The following STX8 variants were observed in gnomAD, a reference collection of about 807,000 sequenced individuals.
The protein encoded by STX8 is syntaxin-8.
Under a neutral mutation model 37.5 loss-of-function variants are expected in STX8, and 23 were observed. The observed-to-expected ratio is 0.61, with a 90% confidence interval of 0.44 to 0.87. STX8 has a LOEUF of 0.87. Among genes scored for constraint, STX8 ranks in the 40% least tolerant of loss-of-function variants. The probability of loss-of-function intolerance (pLI) is 0.00; values close to 1 mark genes in which losing one functional copy is unlikely to be tolerated. For synonymous variants in STX8, 115 were observed against 99.1 expected (o/e 1.16, Z -0.95); for missense variants, 313 against 284.7 (o/e 1.10, Z -0.71).
At chr17:9,412,085 G>C (rs1009688385) in intron 6 of STX8, among the ~76,000 whole-genome samples, 1 of 152,144 alleles carries the variant, frequency 6.6e-6, no homozygotes, top group Non-Finnish European at 1.5e-5. Context: ...TGAGTATTCA[G>C]TCAACTTGAG....
In STX8 at chr17:9,378,596, T is replaced by A. The variant is rs763416899; in HGVS notation, c.599A>T (p.Glu200Val). Residue 200 changes from glutamate (E) to valine (V), a missense_variant, in exon 7 of 8, where the codon GAA becomes GTA. Physicochemically the swap from Glu to Val is moderately radical, Grantham distance 121. Transcript: ENST00000306357. ...VENTDEKLRN[E>V]TRRVNMVDRK... Reference sequence around the variant, plus strand: ...GTCCACCATGTTTACCCGCCTGGTTTCATTGCGAAGTTTTTCATCTGTGTT... The same window carrying A: ...GTCCACCATGTTTACCCGCCTGGTTACATTGCGAAGTTTTTCATCTGTGTT... 6.2e-7 allele frequency: 1 copy of A among 1,613,920 alleles called. No homozygotes were observed. Among genetic ancestry groups the A allele is most frequent in the Non-Finnish European group, 8.5e-7 (1 of 1,179,854 alleles).
intron 7 of STX8, among the ~76,000 whole-genome samples, chr17:9,367,604 A>G (rs1911267587): frequency 6.6e-6 from 1 of 152,264 alleles, no homozygotes; most frequent in Admixed American, 6.5e-5. Flanking sequence ...TGATTTACAC[A>G]GCAAAATGTG....
chr17:9,476,297 G>A (rs1043274638), intron 6 of STX8, among the ~76,000 whole-genome samples: 2 of 152,162 alleles, frequency 1.3e-5, no homozygotes, highest in Non-Finnish European at 2.9e-5. Flanking sequence ...ATTAGCAGAC[G>A]TGAGGAAAAG....
At chr17:9,399,274 C>A (rs1171223074) in intron 6 of STX8, among the ~76,000 whole-genome samples, 3 of 152,134 alleles carry the variant, frequency 2.0e-5, no homozygotes, top group African/African-American at 7.2e-5. Flanking sequence ...AGAGTGAGAA[C>A]ATACTAAGGG....
At chr17:9,456,070 G>A (rs1344103729) in intron 6 of STX8, among the ~76,000 whole-genome samples, 1 of 152,174 alleles carries the variant, frequency 6.6e-6, no homozygotes, top group African/African-American at 2.4e-5. Flanking sequence ...GATCCTGGGA[G>A]GAATCCTAAC....
chr17:9,473,807 G>C (rs1905982889), intron 6 of STX8, among the ~76,000 whole-genome samples: 1 of 152,208 alleles, frequency 6.6e-6, no homozygotes, highest in South Asian at 2.1e-4. Flanking sequence ...CTGAGTGCTA[G>C]ACGTGTCTTT....
At chr17:9,572,730 T>C (rs1907731566) in intron 1 of STX8, among the ~76,000 whole-genome samples, 1 of 152,022 alleles carries the variant, frequency 6.6e-6, no homozygotes, top group Non-Finnish European at 1.5e-5. Flanking sequence ...TTCAAGTCCC[T>C]TCCCATACTC....
Position 9,505,117 on chromosome 17 carries a change from A to C in STX8, c.369T>G (p.Pro123=). Residue 123 remains proline (P), a synonymous_variant, in exon 5 of 8, where the codon CCT becomes CCG. Transcript: ENST00000306357. The part of the protein sequence containing the change: ...SEEAKRGAPN[P]WLFEEPEETR... The stretch of plus-strand genomic sequence containing the variant: ...TCTCCTCTGGCTCCTCAAAGAGCCA[A>C]GGGTTGGGTGCTCCTCGCTTAGCCT... 1 of 1,614,094 alleles carries C rather than the reference A, an allele frequency of 6.2e-7. No individual in the cohort carries two copies. Among genetic ancestry groups the C allele is most frequent in the Non-Finnish European group, 8.5e-7 (1 of 1,180,002 alleles).
chr17:9,413,762 G>C lies in STX8; in HGVS notation c.542-35109C>G, dbSNP rs1413551595. ...AGTGAAAGTGGGGCCAAGTGTAACT[G>C]TGAGAAGCTGACTGCCAACACAGAT... On this transcript the variant is annotated intron_variant, in intron 6 of 7. Coordinates refer to ENST00000306357, the MANE Select transcript of STX8 (RefSeq NM_004853.3). Among the ~76,000 whole-genome samples the C allele has an allele frequency of 3.9e-5, 6 of 152,292 alleles. No homozygotes were observed. The Middle Eastern group carries it at 0.01, about 259-fold the overall frequency.
At chr17:9,424,518 G>A (rs1009689520) in intron 6 of STX8, among the ~76,000 whole-genome samples, 3 of 151,910 alleles carry the variant, frequency 2.0e-5, no homozygotes, top group Non-Finnish European at 4.4e-5. Flanking sequence ...GCAGCGCCTG[G>A]CCTTCCTCCC....
chr17:9,268,091 C>A (rs180784085), intron 7 of STX8, among the ~76,000 whole-genome samples: 1 of 152,020 alleles, frequency 6.6e-6, no homozygotes, highest in Admixed American at 6.6e-5. Context: ...TCTACCCAGA[C>A]CCTCCCATAT....
intron 7 of STX8, among the ~76,000 whole-genome samples, chr17:9,268,190 C>T: frequency 6.6e-6 from 1 of 151,702 alleles, no homozygotes; most frequent in East Asian, 1.9e-4. Flanking sequence ...ACCAACTCAG[C>T]ACACTGGTCA....
intron 6 of STX8, among the ~76,000 whole-genome samples, chr17:9,479,023 A>G (rs1906208747): frequency 6.6e-6 from 1 of 152,178 alleles, no homozygotes; most frequent in South Asian, 2.1e-4. Context: ...GAGTGTAGGA[A>G]TGATAAAGGA....
intron 6 of STX8, among the ~76,000 whole-genome samples, chr17:9,429,178 T>C (rs965475760): frequency 2.0e-5 from 3 of 151,504 alleles, no homozygotes; most frequent in Non-Finnish European, 4.4e-5. Context: ...CCATTTAAAC[T>C]GTATAATTAC....
intron 3 of STX8, chr17:9,555,090 T>C (rs1906914121): frequency 6.6e-6 from 1 of 152,202 alleles, no homozygotes; most frequent in Admixed American, 6.5e-5. Flanking sequence ...GTTGAATTTT[T>C]GATGTCTCCT....
In STX8 at chr17:9,575,817, C is replaced by T; in HGVS notation, c.-9G>A. On this transcript the variant is annotated 5_prime_UTR_variant, in exon 1 of 8. Coordinates refer to ENST00000306357, the MANE Select transcript of STX8 (RefSeq NM_004853.3). ...CAGGGGTCCGGTGCCATCCTGCAGA[C>T]TCCGCCCGCCGCTCGGACTCTTCCT... is the stretch of plus-strand genomic sequence containing the variant. 6.5e-7 allele frequency: 1 copy of T among 1,539,452 alleles called. No homozygotes were observed. Among genetic ancestry groups the T allele is most frequent in the Non-Finnish European group, 8.7e-7 (1 of 1,145,846 alleles).
At chr17:9,412,756 G>A (rs560760081) in intron 6 of STX8, among the ~76,000 whole-genome samples, 6 of 151,960 alleles carry the variant, frequency 3.9e-5, no homozygotes, top group Non-Finnish European at 8.8e-5. Flanking sequence ...GCATTTAAGA[G>A]TTTCTGTCAA....
chr17:9,396,367 G>C (rs1009464245), intron 6 of STX8, among the ~76,000 whole-genome samples: 2 of 150,698 alleles, frequency 1.3e-5, no homozygotes, highest in East Asian at 2.0e-4. Flanking sequence ...ATAGGAATTT[G>C]GGGGGGCGGG....
At chr17:9,271,054 G>C (rs1478413675) in intron 7 of STX8, among the ~76,000 whole-genome samples, 1 of 152,144 alleles carries the variant, frequency 6.6e-6, no homozygotes, top group Non-Finnish European at 1.5e-5. Context: ...ACATTCTCAA[G>C]ACATTACCAA....
Sources: allele counts gnomAD v4.1 joint callset (sites outside exome capture counted in the v4.1 genomes callset), GRCh38; gene constraint gnomAD v4.1.1; transcripts MANE v1.5; gene names NCBI Gene and HGNC (gene_info 2026-07-23, HGNC 2026-07-21).